The following BFSP2 variants were observed in gnomAD, a reference collection of about 807,000 sequenced individuals.
The protein encoded by BFSP2 is phakinin.
Under a neutral mutation model 44.9 loss-of-function variants are expected in BFSP2, and 38 were observed. The ratio of observed to expected loss-of-function variants is 0.85; its 90% CI spans 0.65 to 1.11. The LOEUF is 1.11. BFSP2 is among the 50% of genes least tolerant of loss of function. BFSP2 has a pLI of 0.00. For missense variants in BFSP2, 525 were observed against 533.0 expected, an observed-to-expected ratio of 0.99 and a Z score of 0.15; for synonymous variants, 197 against 209.9, an observed-to-expected ratio of 0.94 and a Z score of 0.53.
At chr3:133,406,073 C>A (rs1164875372) in intron 1 of BFSP2, among the ~76,000 whole-genome samples, 1 of 151,986 alleles carries the variant, frequency 6.6e-6, no homozygotes, top group Non-Finnish European at 1.5e-5. Flanking sequence ...GCCTCAGCCT[C>A]CCAAGTAGCT....
intron 1 of BFSP2, among the ~76,000 whole-genome samples, chr3:133,402,298 C>G (rs900294722): frequency 6.6e-6 from 1 of 152,172 alleles, no homozygotes; most frequent in Non-Finnish European, 1.5e-5. Context: ...CTACAAGAGC[C>G]TTTGCAACTT....
chr3:133,464,490 G>A (rs1171192195), intron 4 of BFSP2, among the ~76,000 whole-genome samples: 1 of 152,116 alleles, frequency 6.6e-6, no homozygotes, highest in African/African-American at 2.4e-5. Flanking sequence ...CACAGAATAA[G>A]TGCCTAATAC....
At chr3:133,469,074 G>T in intron 5 of BFSP2, among the ~76,000 whole-genome samples, 1 of 152,126 alleles carries the variant, frequency 6.6e-6, no homozygotes, top group East Asian at 1.9e-4. Context: ...TAAACCCAGG[G>T]TCCTAACCAT....
chr3:133,452,224 T>C (rs1327427277), intron 4 of BFSP2, among the ~76,000 whole-genome samples: 2 of 152,174 alleles, frequency 1.3e-5, no homozygotes, highest in Non-Finnish European at 1.5e-5. Flanking sequence ...TCTCCCACCA[T>C]ACTCCCTCTA....
intron 3 of BFSP2, 153 bp downstream of exon 3, chr3:133,448,798 A>G: frequency 9.7e-7 from 1 of 1,033,530 alleles, no homozygotes; most frequent in Non-Finnish European, 1.4e-6. Flanking sequence ...ATACTTTCAG[A>G]TCCTTGAAGT....
chr3:133,469,646 C>A (rs576632724), intron 5 of BFSP2, among the ~76,000 whole-genome samples: 1 of 152,216 alleles, frequency 6.6e-6, no homozygotes, highest in Non-Finnish European at 1.5e-5. Flanking sequence ...GTGCTGTCTG[C>A]GTGGCTGACT....
chr3:133,460,095 T>G (rs908125259), intron 4 of BFSP2, among the ~76,000 whole-genome samples: 1 of 152,092 alleles, frequency 6.6e-6, no homozygotes, highest in Non-Finnish European at 1.5e-5. Flanking sequence ...AAGAAATGGG[T>G]AGAAAGGCTA....
At chr3:133,427,514 T>C (rs59636252) in intron 1 of BFSP2, among the ~76,000 whole-genome samples, 8,704 of 152,242 alleles carry the variant, frequency 0.057, 662 homozygotes, top group African/African-American at 0.18. Context: ...TCACACAAGA[T>C]CAAGTGAGCA....
chr3:133,412,615 G>A (rs750071455), intron 1 of BFSP2: 1 of 152,268 alleles, frequency 6.6e-6, no homozygotes, highest in Non-Finnish European at 1.5e-5. Flanking sequence ...AGCCGGGCAT[G>A]GCGTCCTCAG....
At chr3:133,446,383 T>G (rs1032533711) in intron 1 of BFSP2, among the ~76,000 whole-genome samples, 4 of 151,380 alleles carry the variant, frequency 2.6e-5, no homozygotes, top group African/African-American at 9.7e-5. Flanking sequence ...ATTGTGCCAC[T>G]GCACTCCAGC....
intron 1 of BFSP2, among the ~76,000 whole-genome samples, chr3:133,424,212 ATTTTTTTTT>A (rs112772093): frequency 7.7e-5 from 5 of 64,778 alleles, no homozygotes; most frequent in African/African-American, 1.1e-4. Context: ...CGTCCAGCTA[ATTTTTTTTT>A]TTTTTTTTTT....
chr3:133,466,860 C>A lies in BFSP2; in HGVS notation c.924C>A (p.Thr308=). ...QQAEVAHMSQ[T]QEEKLAAALR... ...CGGAGGTGGCCCACATGTCCCAGAC[C>A]CAGGAGGAGAAGCTGGCAGCTGCCC... Residue 308 remains threonine, a synonymous_variant, in exon 5 of 7, where the codon ACC becomes ACA. Coordinates refer to ENST00000302334, the MANE Select transcript of BFSP2 (RefSeq NM_003571.4). The A allele has an allele frequency of 1.2e-6, 2 of 1,613,744 alleles. No homozygotes were observed. Among genetic ancestry groups the A allele is most frequent in the Non-Finnish European group, 8.5e-7 (1 of 1,179,942 alleles).
chr3:133,446,354 G>A (rs1417756550), intron 1 of BFSP2, among the ~76,000 whole-genome samples: 1 of 151,800 alleles, frequency 6.6e-6, no homozygotes, highest in African/African-American at 2.4e-5. Context: ...CTGGGAGGCA[G>A]AGGTTGCAGT....
At chr3:133,474,383 CCTG>C (rs1215326150) in intron 6 of BFSP2, among the ~76,000 whole-genome samples, 1 of 152,228 alleles carries the variant, frequency 6.6e-6, no homozygotes, top group African/African-American at 2.4e-5. Flanking sequence ...GCCCAGGTCT[CCTG>C]CTCTCTCCAA....
chr3:133,436,924 AG>A (rs201370480), intron 1 of BFSP2, among the ~76,000 whole-genome samples: 19,985 of 152,216 alleles, frequency 0.13, 1,402 homozygotes, highest in East Asian at 0.29. Flanking sequence ...GTCCCTACAA[AG>A]GACATGAACT....
At chr3:133,428,592 G>T (rs183142730) in intron 1 of BFSP2, among the ~76,000 whole-genome samples, 1 of 152,152 alleles carries the variant, frequency 6.6e-6, no homozygotes, top group African/African-American at 2.4e-5. Context: ...CAGGTCCCAC[G>T]CGAATTTCTG....
At chr3:133,454,249 G>A (rs1431105200) in intron 4 of BFSP2, among the ~76,000 whole-genome samples, 1 of 152,166 alleles carries the variant, frequency 6.6e-6, no homozygotes, top group Non-Finnish European at 1.5e-5. Context: ...GAGGCCAAGA[G>A]TTCAAAGGAG....
intron 1 of BFSP2, among the ~76,000 whole-genome samples, chr3:133,416,791 C>T (rs1435077343): frequency 6.8e-6 from 1 of 146,442 alleles, no homozygotes; most frequent in Non-Finnish European, 1.5e-5. Flanking sequence ...TTCTACTCAC[C>T]CCTGCCCTCT....
chr3:133,460,766 A>G (rs1055048915), intron 4 of BFSP2, among the ~76,000 whole-genome samples: 1 of 152,238 alleles, frequency 6.6e-6, no homozygotes, highest in Non-Finnish European at 1.5e-5. Flanking sequence ...CTCCATGAAC[A>G]GCACGATGAG....
Sources: gnomAD v4.1 joint callset for allele counts (sites outside exome capture counted in the v4.1 genomes callset) on GRCh38, gnomAD v4.1.1 for gene constraint, MANE v1.5 for transcripts, NCBI Gene and HGNC (gene_info 2026-07-23, HGNC 2026-07-21) for gene names.